Variants in CEP72 observed in about 807,000 individuals in gnomAD.
CEP72 encodes the protein centrosomal protein 72.
CEP72 carries 78 observed loss-of-function variants against 65.7 expected under a neutral mutation model. The ratio of observed to expected loss-of-function variants is 1.19; its 90% CI spans 0.99 to 1.43. CEP72 has a LOEUF of 1.43. CEP72 is among the 40% of genes most tolerant of loss of function. The pLI, the probability that CEP72 is intolerant of heterozygous loss-of-function variation, is 0.00. For missense variants in CEP72, 914 were observed against 832.9 expected, an observed-to-expected ratio of 1.10 and a Z score of -1.20; for synonymous variants, 358 against 351.7, an observed-to-expected ratio of 1.02 and a Z score of -0.20.
At chr5:649,480 CTG>C (rs1427912527) in intron 11 of CEP72, among the ~76,000 whole-genome samples, 2 of 69,768 alleles carry the variant, frequency 2.9e-5, no homozygotes, top group East Asian at 5.0e-4. Flanking sequence ...TGAGGTGTGA[CTG>C]TGAGGTGTGG....
At chr5:633,086 AC>A (rs1737315360) in intron 4 of CEP72, among the ~76,000 whole-genome samples, 3 of 35,076 alleles carry the variant, frequency 8.6e-5, no homozygotes, top group East Asian at 7.0e-4. Flanking sequence ...CCGGGATTTG[AC>A]CCAGTCCTGG....
At chr5:613,459 C>T (rs1735804835) in intron 1 of CEP72, among the ~76,000 whole-genome samples, 1 of 152,198 alleles carries the variant, frequency 6.6e-6, no homozygotes, top group Non-Finnish European at 1.5e-5. Context: ...CAACCTCCAC[C>T]TCCCAGGTTC....
chr5:675,570 G>C, the CEP72 span, among the ~76,000 whole-genome samples: 1 of 149,962 alleles, frequency 6.7e-6, no homozygotes, highest in Non-Finnish European at 1.5e-5. Context: ...TGTGGCTGGG[G>C]GTGCGGTGTG....
chr5:620,432 G>T (rs1023522108), intron 3 of CEP72, among the ~76,000 whole-genome samples, 171 bp downstream of exon 3: 18 of 152,196 alleles, frequency 1.2e-4, no homozygotes, highest in African/African-American at 3.6e-4. Context: ...AGCTCGAGAG[G>T]CCCTGTGTCT....
downstream of CEP72, among the ~76,000 whole-genome samples, chr5:669,335 G>A (rs1442260909): frequency 1.3e-5 from 2 of 152,304 alleles, no homozygotes; most frequent in Non-Finnish European, 2.9e-5. Flanking sequence ...CCGCGGTGTT[G>A]GGGGTGGATT....
At chr5:676,009 CCAGCTTCTCTGGGACTG>C in the CEP72 span, 3 of 123,652 alleles carry the variant, frequency 2.4e-5, no homozygotes, top group African/African-American at 1.4e-4. Flanking sequence ...AGCCTCCCCT[CCAGCTTCTCTGGGACTG>C]AGGCTGGGAG....
At chr5:621,123 T>C (rs1736362256) in intron 3 of CEP72, among the ~76,000 whole-genome samples, 2 of 152,164 alleles carry the variant, frequency 1.3e-5, no homozygotes, top group African/African-American at 4.8e-5. Context: ...AGTTAATATC[T>C]GTAAGCTCCC....
At position 653,116 on chromosome 5, in the gene CEP72, A is replaced by G; in HGVS notation, c.1907A>G (p.His636Arg). 6.2e-7 allele frequency: 1 copy of G among 1,612,384 alleles called. No homozygotes were observed. The highest frequency in any genetic ancestry group is 1.1e-5 in the South Asian group (1 of 90,988). ...ELKKTMALFP[H>R]SSASHGGCQA... Reference sequence around the variant, plus strand: ...AAGAAGACCATGGCCCTGTTTCCACACAGCAGCGCCAGCCATGGAGGCTGC... The same window carrying G: ...AAGAAGACCATGGCCCTGTTTCCACGCAGCAGCGCCAGCCATGGAGGCTGC... Residue 636 changes from histidine (H) to arginine (R), a missense_variant, in exon 12 of 12, where the codon CAC (histidine) becomes CGC (arginine). Transcript: ENST00000264935.
chr5:659,489 C>T (rs957441107), downstream of CEP72, among the ~76,000 whole-genome samples: 1 of 152,254 alleles, frequency 6.6e-6, no homozygotes, highest in African/African-American at 2.4e-5. Context: ...AAAACTGTTT[C>T]GCTGGGCTAG....
chr5:644,267 TG>T, intron 9 of CEP72, 31 bp from the exon 10 acceptor site: 1 of 1,605,564 alleles, frequency 6.2e-7, no homozygotes, highest in South Asian at 1.1e-5. Context: ...GAATTTGACT[TG>T]TGCACTTAAG....
rs377416679 is a variant in CEP72, at chr5:620,358, T to A, written c.403+97T>A. On this transcript the variant is annotated intron_variant, in intron 3 of 11. Transcript: ENST00000264935. ...TGTCTGTGTGCTCAACGTCACATGC[T>A]TGATTCCTTCTGGAACGGGGAGTTG... 2.3e-5 allele frequency: 25 copies of A among 1,072,268 alleles called. 1 individual carries two copies. Among genetic ancestry groups the A allele is most frequent in the Middle Eastern group, 2.8e-4 (1 of 3,560 alleles). 66.4% of individuals were successfully genotyped at this position (1,072,268 alleles called of 1,614,324 possible).
intron 4 of CEP72, among the ~76,000 whole-genome samples, chr5:632,145 A>G (rs1737237440): frequency 1.5e-5 from 1 of 65,066 alleles, no homozygotes; most frequent in African/African-American, 6.0e-5. Flanking sequence ...CAGCGCCGGG[A>G]TTTGGCCCAG....
intron 1 of CEP72, among the ~76,000 whole-genome samples, chr5:614,444 A>ATTTTTTT (rs11350475): frequency 1.2e-4 from 11 of 93,828 alleles, no homozygotes; most frequent in African/African-American, 4.2e-4. Context: ...TGACCTGTGA[A>ATTTTTTT]TTTTTTTTTT....
Position 641,636 on chromosome 5 carries a change from C to A in CEP72, c.1539+1032C>A, listed in dbSNP as rs947234496. On this transcript the variant is annotated intron_variant, in intron 9 of 11. Coordinates refer to ENST00000264935, the MANE Select transcript of CEP72 (RefSeq NM_018140.4). ...TCATCTGGAAGCCTCTGTATTTAAA[C>A]ACATGTGGGCCTCCTCCATCTGGAA... is the stretch of plus-strand genomic sequence containing the variant. 7.1e-6 allele frequency: 7 copies of A among 982,708 alleles called. No homozygotes were observed. The African/African-American group carries it at 1.2e-4, about 17-fold the overall frequency. 60.9% of individuals were successfully genotyped at this position (982,708 alleles called of 1,614,324 possible). A position where few individuals can be genotyped will look rare whatever the true frequency, so the allele number is the denominator to read the frequency against.
chr5:655,873 C>CT (rs1739365162), downstream of CEP72, among the ~76,000 whole-genome samples: 1 of 152,086 alleles, frequency 6.6e-6, no homozygotes, highest in Admixed American at 6.5e-5. The surrounding 1 kb of genome is among the most constrained non-coding windows in gnomAD (Gnocchi z 5.0). Context: ...CTTTTCTTGT[C>CT]TTTTTACTTC....
chr5:674,034 T>C, the CEP72 span, among the ~76,000 whole-genome samples: 3 of 152,192 alleles, frequency 2.0e-5, no homozygotes, highest in Non-Finnish European at 4.4e-5. Context: ...GCACTGCACT[T>C]GGTGTGTCCG....
At chr5:655,097 C>T (rs943998200), downstream of CEP72, among the ~76,000 whole-genome samples, 7 of 152,016 alleles carry the variant, frequency 4.6e-5, no homozygotes, top group Non-Finnish European at 8.8e-5. This position sits in a 1 kb window ranked among gnomAD's most constrained non-coding sequence, Gnocchi z 5.0. Context: ...CGGGGTGGCT[C>T]ACACCGTAAT....
intron 5 of CEP72, among the ~76,000 whole-genome samples, chr5:634,327 G>A (rs1737441577): frequency 6.6e-6 from 1 of 152,224 alleles, no homozygotes; most frequent in Non-Finnish European, 1.5e-5. Flanking sequence ...GCCGCCACGT[G>A]CAGACCTGTA....
At chr5:659,054 T>G (rs1739476782), downstream of CEP72, among the ~76,000 whole-genome samples, 1 of 152,268 alleles carries the variant, frequency 6.6e-6, no homozygotes, top group Non-Finnish European at 1.5e-5. Flanking sequence ...GTTTTTTCCC[T>G]CTTCACTTTT....
Sources: allele counts gnomAD v4.1 joint callset (sites outside exome capture counted in the v4.1 genomes callset), GRCh38; gene constraint gnomAD v4.1.1; non-coding constraint Gnocchi (gnomAD v3.1); transcripts MANE v1.5; gene names NCBI Gene and HGNC (gene_info 2026-07-23, HGNC 2026-07-21).